MYOF: variants seen among roughly 807,000 people sequenced by gnomAD.
MYOF encodes the protein myoferlin, also known as fer-1-like 3, myoferlin.
In MYOF, 244 loss-of-function variants were observed where a neutral mutation model predicts 284.2. That is an observed-to-expected ratio of 0.86 (90% CI 0.77 to 0.95). The LOEUF (loss-of-function observed/expected upper bound fraction) is 0.95. Among genes scored for constraint, MYOF ranks in the 40% least tolerant of loss-of-function variants. The probability of loss-of-function intolerance (pLI) is 0.00; values close to 1 mark genes in which losing one functional copy is unlikely to be tolerated. For missense variants in MYOF, 2,496 were observed against 2,560.6 expected (o/e 0.97, Z 0.54); for synonymous variants, 904 against 919.7 (o/e 0.98, Z 0.31).
chr10:93,403,159 T>A (rs926453181), intron 9 of MYOF, among the ~76,000 whole-genome samples: 2 of 152,076 alleles, frequency 1.3e-5, no homozygotes, highest in Non-Finnish European at 2.9e-5. Flanking sequence ...ATGACCCAGT[T>A]TGCCTGGGTT....
chr10:93,366,298 A>T (rs1845322719), intron 26 of MYOF, 94 bp downstream of exon 26: 1 of 1,340,290 alleles, frequency 7.5e-7, no homozygotes, highest in African/African-American at 1.5e-5. Flanking sequence ...TTACATAACT[A>T]TTATCAAGAT....
intron 42 of MYOF, among the ~76,000 whole-genome samples, 170 bp downstream of exon 42, chr10:93,333,588 G>A (rs963718773): frequency 2.0e-5 from 3 of 152,170 alleles, no homozygotes; most frequent in Non-Finnish European, 4.4e-5. Flanking sequence ...CCCCCCGCAA[G>A]CTCTTAGATA....
chr10:93,390,624 A>C (rs1846629446), intron 17 of MYOF, among the ~76,000 whole-genome samples: 1 of 152,244 alleles, frequency 6.6e-6, no homozygotes, highest in Non-Finnish European at 1.5e-5. Flanking sequence ...GGCTTTATCC[A>C]TTGTGGCATA....
intron 19 of MYOF, among the ~76,000 whole-genome samples, chr10:93,384,289 C>T (rs932994397): frequency 7.2e-5 from 11 of 152,176 alleles, no homozygotes; most frequent in African/African-American, 2.2e-4. Context: ...CAATAAACAC[C>T]ATTCAGAGAA....
At chr10:93,448,814 G>GC (rs2056511121) in intron 3 of MYOF, among the ~76,000 whole-genome samples, 1 of 152,206 alleles carries the variant, frequency 6.6e-6, no homozygotes, top group Non-Finnish European at 1.5e-5. Flanking sequence ...GGCCAACATA[G>GC]TGAAACCCTG....
Position 93,366,470 on chromosome 10 carries a change from A to C in MYOF, c.2675T>G (p.Ile892Arg). The change falls in exon 26 of 54, where the codon ATA (isoleucine) becomes AGA (arginine). Residue 892 changes from isoleucine to arginine, a missense_variant. Ile to Arg is a moderately conservative substitution (Grantham distance 97). This residue lies in a region of MYOF where 2,436 missense variants were observed against 2,480.7 expected (regional missense o/e 0.98). Transcript: ENST00000359263. ...RHKFSDVTGK[I>R]KLKREFFLPP... is the part of the protein sequence containing the mutation. ...CAGAAAAAATTCCCTCTTGAGTTTT[A>C]TTTTTCCTGTGACATCAGAAAACTT... 1.2e-6 allele frequency: 2 copies of C among 1,613,898 alleles called. No homozygotes were observed. The highest frequency in any genetic ancestry group is 1.7e-6 in the Non-Finnish European group (2 of 1,179,946).
At chr10:93,449,659 T>A (rs1283358478) in intron 3 of MYOF, among the ~76,000 whole-genome samples, 2 of 152,084 alleles carry the variant, frequency 1.3e-5, no homozygotes, top group African/African-American at 2.4e-5. Context: ...TATGCAGGTA[T>A]GTATTCATTT....
intron 20 of MYOF, among the ~76,000 whole-genome samples, chr10:93,380,998 T>C (rs1352923762): frequency 1.3e-5 from 2 of 152,194 alleles, no homozygotes; most frequent in African/African-American, 4.8e-5. Flanking sequence ...GAGGGTAGCA[T>C]TGGGGTTCAG....
chr10:93,308,512 GA>G (rs1842232431), intron 53 of MYOF, among the ~76,000 whole-genome samples: 2 of 150,316 alleles, frequency 1.3e-5, no homozygotes, highest in African/African-American at 4.9e-5. Context: ...TTGAACCTGG[GA>G]GGCGGAGGTT....
At chr10:93,360,786 G>A (rs113259342) in intron 28 of MYOF, among the ~76,000 whole-genome samples, 3 of 152,166 alleles carry the variant, frequency 2.0e-5, no homozygotes, top group African/African-American at 7.2e-5. Context: ...CGTCAGGGGG[G>A]CCCTGAATGT....
chr10:93,329,877 G>A, intron 43 of MYOF, 43 bp from the exon 44 acceptor site: 1 of 1,600,852 alleles, frequency 6.2e-7, no homozygotes, highest in Non-Finnish European at 8.5e-7. Context: ...TGATCCATCT[G>A]AGTACCTCAC....
At chr10:93,424,882 C>T (rs1848511771) in intron 5 of MYOF, among the ~76,000 whole-genome samples, 1 of 150,704 alleles carries the variant, frequency 6.6e-6, no homozygotes, top group Admixed American at 6.6e-5. Context: ...CCCCGAGGAG[C>T]CACCTCAGCA....
At chr10:93,478,862 G>T (rs765776732) in intron 1 of MYOF, among the ~76,000 whole-genome samples, 1 of 56,276 alleles carries the variant, frequency 1.8e-5, no homozygotes, top group Non-Finnish European at 4.2e-5. Flanking sequence ...GAAAGAAAGG[G>T]TTTGAACACG....
chr10:93,315,686 C>T (rs779586917), intron 50 of MYOF, among the ~76,000 whole-genome samples: 5 of 152,082 alleles, frequency 3.3e-5, no homozygotes, highest in African/African-American at 7.2e-5. Flanking sequence ...GCAGGCTACA[C>T]GTCCTGGTTT....
chr10:93,433,690 AT>A (rs1420475301), intron 3 of MYOF, among the ~76,000 whole-genome samples: 1 of 152,266 alleles, frequency 6.6e-6, no homozygotes, highest in Admixed American at 6.5e-5. Flanking sequence ...AGGAAAATTC[AT>A]CTTGTGGAAA....
chr10:93,337,966 C>A, intron 39 of MYOF, 53 bp from the exon 40 acceptor site: 1 of 1,308,558 alleles, frequency 7.6e-7, no homozygotes, highest in Non-Finnish European at 1.1e-6. Flanking sequence ...GATTTCCAAT[C>A]GATGCAGGAA....
intron 31 of MYOF, among the ~76,000 whole-genome samples, 160 bp downstream of exon 31, chr10:93,355,468 C>A (rs1025220924): frequency 1.3e-5 from 2 of 152,138 alleles, no homozygotes; most frequent in Non-Finnish European, 2.9e-5. Context: ...CGCCTGTAGT[C>A]CCAGCTACTC....
chr10:93,366,598 C>A lies in MYOF; in HGVS notation c.2590-43G>T. The A allele has an allele frequency of 2.0e-6, 3 of 1,512,740 alleles. No homozygotes were observed. In the African/African-American group the frequency reaches 4.2e-5, roughly 21 times the overall value. The allele number at this position is 1,512,740 out of a possible 1,614,324, so 93.7% of individuals were successfully genotyped here. A position where few individuals can be genotyped will look rare whatever the true frequency, so the allele number is the denominator to read the frequency against. On this transcript the variant is annotated intron_variant, in intron 25 of 53. Coordinates refer to ENST00000359263, the MANE Select transcript of MYOF (RefSeq NM_013451.4). ...AAATTGGAGAAACACCATCAGAGAG[C>A]AAAAAATAAAGCTAGCACATACATT...
chr10:93,340,704 C>T (rs148497442), intron 38 of MYOF, among the ~76,000 whole-genome samples: 6 of 152,274 alleles, frequency 3.9e-5, no homozygotes, highest in Admixed American at 2.6e-4. Context: ...ACTCATCCAT[C>T]AAAACTGCTT....
Sources: gnomAD v4.1 joint callset for allele counts (sites outside exome capture counted in the v4.1 genomes callset) on GRCh38, gnomAD v4.1.1 for gene constraint, gnomAD v4.1.1 regional missense constraint, MANE v1.5 for transcripts, NCBI Gene and HGNC (gene_info 2026-07-23, HGNC 2026-07-21) for gene names.